EPHA5: variants seen among roughly 807,000 people sequenced by gnomAD.
EPHA5 encodes the protein ephrin type-A receptor 5.
A neutral mutation model predicts 105.0 loss-of-function variants in EPHA5; 60 were observed. The ratio of observed to expected loss-of-function variants is 0.57; its 90% CI spans 0.46 to 0.71. The LOEUF is 0.71. EPHA5 is among the 30% of genes least tolerant of loss of function. The pLI is 0.00. For missense variants in EPHA5, 1,218 were observed against 1,274.7 expected (o/e 0.96, Z 0.68); for synonymous variants, 513 against 449.1 (o/e 1.14, Z -1.80).
intron 5 of EPHA5, among the ~76,000 whole-genome samples, chr4:65,429,954 C>G (rs1013805825): frequency 6.6e-6 from 1 of 152,018 alleles, no homozygotes; most frequent in Non-Finnish European, 1.5e-5. Flanking sequence ...CTAACAGCAA[C>G]ATGACAGCCT....
intron 2 of EPHA5, among the ~76,000 whole-genome samples, chr4:65,625,897 G>A (rs1746102333): frequency 6.6e-6 from 1 of 152,008 alleles, no homozygotes; most frequent in South Asian, 2.1e-4. Context: ...GGATCATGAG[G>A]TCAGGAGATC....
chr4:65,646,722 A>G (rs1333097925), intron 1 of EPHA5, among the ~76,000 whole-genome samples: 1 of 152,204 alleles, frequency 6.6e-6, no homozygotes, highest in African/African-American at 2.4e-5. Context: ...GAATTGTGAA[A>G]GTAGAAATTT....
chr4:65,429,713 G>T (rs553824384), intron 5 of EPHA5, among the ~76,000 whole-genome samples: 3 of 151,920 alleles, frequency 2.0e-5, no homozygotes, highest in Admixed American at 1.3e-4. Context: ...ATTGTTTAAA[G>T]AACCAGATTG....
chr4:65,513,666 A>G (rs1733840650), intron 3 of EPHA5, among the ~76,000 whole-genome samples: 1 of 152,170 alleles, frequency 6.6e-6, no homozygotes, highest in Non-Finnish European at 1.5e-5. Flanking sequence ...GATTGCAGGC[A>G]TGAGCCACTG....
intron 2 of EPHA5, among the ~76,000 whole-genome samples, chr4:65,621,031 T>G (rs1316666842): frequency 6.6e-6 from 1 of 152,076 alleles, no homozygotes; most frequent in African/African-American, 2.4e-5. Flanking sequence ...AAGTTACCAT[T>G]TTTTTCCATG....
At chr4:65,482,820 C>T (rs1309797421) in intron 5 of EPHA5, among the ~76,000 whole-genome samples, 1 of 150,814 alleles carries the variant, frequency 6.6e-6, no homozygotes, top group Non-Finnish European at 1.5e-5. Context: ...TTCTGAAAGA[C>T]ATTGCCTACC....
intron 10 of EPHA5, among the ~76,000 whole-genome samples, chr4:65,365,689 A>ATATATATATAT (rs765636669): frequency 4.3e-5 from 4 of 93,830 alleles, no homozygotes; most frequent in Non-Finnish European, 9.7e-5. Context: ...ATATATATAT[A>ATATATATATAT]GTGAAACATT....
At position 65,320,161 on chromosome 4, in the gene EPHA5, T is replaced by C. The variant is rs919315780; in HGVS notation, c.*3953A>G. 25 of 230,298 alleles carry C rather than the reference T, an allele frequency of 1.1e-4. No homozygotes were observed. Among genetic ancestry groups the C allele is most frequent in the Middle Eastern group, 2.6e-3 (2 of 772 alleles). 14.3% of individuals were successfully genotyped at this position (230,298 alleles called of 1,614,324 possible). A position where few individuals can be genotyped will look rare whatever the true frequency, so the allele number is the denominator to read the frequency against. ...GATTTCTTCATAAATGAATAAGAAATGAAAAGAAAGTTCCTATTTCTATTT... is the reference window on the plus strand; with the variant it reads ...GATTTCTTCATAAATGAATAAGAAACGAAAAGAAAGTTCCTATTTCTATTT... On this transcript the variant is annotated 3_prime_UTR_variant, in exon 17 of 17. Coordinates refer to ENST00000613740, the MANE Select transcript of EPHA5 (RefSeq NM_001281766.3).
chr4:65,372,978 GTTGAA>G (rs1718638520), intron 8 of EPHA5, among the ~76,000 whole-genome samples: 2 of 151,824 alleles, frequency 1.3e-5, no homozygotes. Context: ...TATTTTCTCT[GTTGAA>G]TTCAATTGTA....
At chr4:65,574,719 T>TACATATATATATATATATAC (rs1560718113) in intron 3 of EPHA5, among the ~76,000 whole-genome samples, 6 of 76,790 alleles carry the variant, frequency 7.8e-5, no homozygotes, top group African/African-American at 2.5e-4. Flanking sequence ...CATATATATA[T>TACATATATATATATATATAC]ACATATATAT....
chr4:65,423,054 G>C (rs1724085119), intron 5 of EPHA5, among the ~76,000 whole-genome samples: 1 of 151,912 alleles, frequency 6.6e-6, no homozygotes, highest in East Asian at 1.9e-4. Flanking sequence ...GTTTTCTTAG[G>C]CTCCTCTTGG....
chr4:65,522,208 T>C (rs1297383395), intron 3 of EPHA5, among the ~76,000 whole-genome samples: 1 of 151,682 alleles, frequency 6.6e-6, no homozygotes, highest in Non-Finnish European at 1.5e-5. Context: ...CCTAATTCCT[T>C]AAGATTACAA....
intron 11 of EPHA5, among the ~76,000 whole-genome samples, chr4:65,361,206 G>A (rs1019864470): frequency 4.6e-5 from 7 of 151,554 alleles, no homozygotes; most frequent in Admixed American, 6.6e-5. Context: ...CTTTATGCCA[G>A]GCAGGCACTC....
At chr4:65,521,996 A>G (rs1436313340) in intron 3 of EPHA5, among the ~76,000 whole-genome samples, 10 of 151,910 alleles carry the variant, frequency 6.6e-5, no homozygotes, top group Admixed American at 5.9e-4. Context: ...TTCACTTTAC[A>G]TTTCATAGTC....
intron 3 of EPHA5, among the ~76,000 whole-genome samples, chr4:65,587,690 G>A (rs994793498): frequency 2.0e-5 from 3 of 152,156 alleles, no homozygotes; most frequent in African/African-American, 7.2e-5. Context: ...TAGGGTAAGA[G>A]CTTCAGAATC....
In EPHA5 at chr4:65,334,829, C is replaced by T. The variant is rs533206701; in HGVS notation, c.2789+1103G>A. On this transcript the variant is annotated intron_variant, in intron 15 of 16. Coordinates refer to ENST00000613740, the MANE Select transcript of EPHA5 (RefSeq NM_001281766.3). ...TAAGTTTTTTTTTACTCCTTTTGTA[C>T]GTCCATTTGTGACAATGTAATATAA... Among the ~76,000 whole-genome samples, 13 of 151,762 alleles carry T rather than the reference C, an allele frequency of 8.6e-5. No homozygotes were observed. In the East Asian group the frequency reaches 1.2e-3, roughly 14 times the overall value.
intron 3 of EPHA5, among the ~76,000 whole-genome samples, chr4:65,539,860 A>T (rs67068311): frequency 0.24 from 36,684 of 151,372 alleles, 4,573 homozygotes; most frequent in African/African-American, 0.28. Flanking sequence ...GCTAAATATC[A>T]CTGAAGTTTC....
intron 14 of EPHA5, among the ~76,000 whole-genome samples, chr4:65,346,171 T>G (rs2148836147): frequency 6.6e-6 from 1 of 151,946 alleles, no homozygotes; most frequent in African/African-American, 2.4e-5. Context: ...TTCCATCCAA[T>G]GTATCTTGCC....
At chr4:65,607,730 G>T (rs1744374615) in intron 2 of EPHA5, among the ~76,000 whole-genome samples, 1 of 152,172 alleles carries the variant, frequency 6.6e-6, no homozygotes, top group Admixed American at 6.5e-5. Flanking sequence ...TTACACTGTT[G>T]GTGGGAGTGT....
Sources: gnomAD v4.1 joint callset for allele counts (sites outside exome capture counted in the v4.1 genomes callset) on GRCh38, gnomAD v4.1.1 for gene constraint, MANE v1.5 for transcripts, NCBI Gene and HGNC (gene_info 2026-07-23, HGNC 2026-07-21) for gene names.